The following CACNA1C variants were observed in gnomAD, a reference collection of about 807,000 sequenced individuals.
The protein encoded by CACNA1C is calcium voltage-gated channel subunit alpha1 C.
A neutral mutation model predicts 229.0 loss-of-function variants in CACNA1C; 30 were observed. That is an observed-to-expected ratio of 0.13 (90% CI 0.10 to 0.18). CACNA1C has a LOEUF of 0.18. Ranked by LOEUF, CACNA1C falls within the 10% of genes least tolerant of loss-of-function variation. The probability of loss-of-function intolerance (pLI) is 1.00; values close to 1 mark genes in which losing one functional copy is unlikely to be tolerated. For missense variants in CACNA1C, 1,658 were observed against 2,845.0 expected (o/e 0.58, Z 9.49); for synonymous variants, 1,114 against 1,132.5 (o/e 0.98, Z 0.33).
intron 9 of CACNA1C, among the ~76,000 whole-genome samples, chr12:2,533,132 GTTC>G (rs2099844961): frequency 6.6e-6 from 1 of 152,190 alleles, no homozygotes; most frequent in African/African-American, 2.4e-5. Context: ...GGGAGAGGCT[GTTC>G]AGTGGAATAA....
intron 3 of CACNA1C, among the ~76,000 whole-genome samples, chr12:2,362,616 C>G (rs954991407): frequency 3.3e-5 from 5 of 152,150 alleles, no homozygotes; most frequent in Admixed American, 1.3e-4. Flanking sequence ...AGCAGAGCCC[C>G]GTTCTGATCG....
At chr12:2,363,556 G>C (rs1164361141) in intron 3 of CACNA1C, among the ~76,000 whole-genome samples, 1 of 152,182 alleles carries the variant, frequency 6.6e-6, no homozygotes, top group Non-Finnish European at 1.5e-5. Context: ...GGGGTTCCCA[G>C]TGGGGGAGTG....
rs1350142994 is a variant in CACNA1C at position 2,585,034 on chromosome 12, T to C, written c.2340-342T>C. 6.6e-6 allele frequency among the ~76,000 whole-genome samples: 1 copy of C among 152,174 alleles called. No homozygotes were observed. The highest frequency in any genetic ancestry group is 1.9e-4 in the East Asian group (1 of 5,178). The stretch of plus-strand genomic sequence containing the variant: ...CCCTATGTTGTATCCTATCATTATC[T>C]AGACGGGACAGTTCCAGGCCACACA... On this transcript the variant is annotated intron_variant, in intron 16 of 46. Coordinates refer to ENST00000399655, the MANE Select transcript of CACNA1C (RefSeq NM_000719.7). This position sits in a 1 kb window ranked among gnomAD's most constrained non-coding sequence, Gnocchi z 4.1.
At chr12:2,684,646 C>A (rs999055015) in intron 43 of CACNA1C, among the ~76,000 whole-genome samples, 2 of 152,144 alleles carry the variant, frequency 1.3e-5, no homozygotes, top group Admixed American at 1.3e-4. Flanking sequence ...AGTGGTACAA[C>A]CCCCAGGGGT....
At position 2,218,286 on chromosome 12, in the gene CACNA1C, C is replaced by T. The variant is rs76088104; in HGVS notation, c.477+97856C>T. Among the ~76,000 whole-genome samples, 1,141 of 152,262 alleles carry T rather than the reference C, an allele frequency of 7.5e-3. 12 individuals are homozygous for T. Among genetic ancestry groups the T allele is most frequent in the African/African-American group, 0.026 (1,093 of 41,552 alleles). On this transcript the variant is annotated intron_variant, in intron 3 of 46. Transcript: ENST00000399655. ...CTGCAGGTTAATCATCAACAACATG[C>T]AACAATATCCCAGATATGACCGGCT... is the stretch of plus-strand genomic sequence containing the variant.
At chr12:1,993,457 A>G (rs12813534) in intron 1 of CACNA1C, 228,952 of 1,561,760 alleles carry the variant, frequency 0.15, 18,066 homozygotes, top group Admixed American at 0.22. Context: ...TATTTTCAGT[A>G]TAAGTACATT....
chr12:2,525,744 C>G (rs1261000376), intron 9 of CACNA1C, among the ~76,000 whole-genome samples: 2 of 152,208 alleles, frequency 1.3e-5, no homozygotes, highest in African/African-American at 4.8e-5. Context: ...AGGATTACTT[C>G]ACCAAATGGA....
At chr12:2,543,193 T>G (rs1340843110) in intron 9 of CACNA1C, among the ~76,000 whole-genome samples, 1 of 152,216 alleles carries the variant, frequency 6.6e-6, no homozygotes. Context: ...TATAGCTTTC[T>G]TCCCCAGCAT....
intron 3 of CACNA1C, among the ~76,000 whole-genome samples, chr12:2,440,127 A>G (rs1299897384): frequency 1.3e-5 from 2 of 152,176 alleles, no homozygotes; most frequent in East Asian, 1.9e-4. Flanking sequence ...TTGTGGTAAA[A>G]TATATATAAC....
At chr12:2,398,011 C>A (rs1222053182) in intron 3 of CACNA1C, among the ~76,000 whole-genome samples, 1 of 152,228 alleles carries the variant, frequency 6.6e-6, no homozygotes, top group Non-Finnish European at 1.5e-5. Flanking sequence ...TCCTGAATCT[C>A]CATCACTGGC....
chr12:1,990,445 T>C (rs1213917119), intron 1 of CACNA1C, among the ~76,000 whole-genome samples: 1 of 151,822 alleles, frequency 6.6e-6, no homozygotes, highest in African/African-American at 2.4e-5. Flanking sequence ...TTACTCTATT[T>C]ATCAAGCATC....
intron 1 of CACNA1C, among the ~76,000 whole-genome samples, chr12:2,007,863 T>C (rs1593573642): frequency 6.6e-6 from 1 of 152,316 alleles, no homozygotes; most frequent in South Asian, 2.1e-4. Flanking sequence ...TGAATCCTCA[T>C]TGCATTCTGT....
At chr12:2,600,491 G>A (rs923224646) in intron 21 of CACNA1C, among the ~76,000 whole-genome samples, 6 of 152,214 alleles carry the variant, frequency 3.9e-5, no homozygotes, top group African/African-American at 1.4e-4. Flanking sequence ...GATGACCGGG[G>A]AGCCTTGCTC....
chr12:2,171,751 C>T (rs987752704), intron 3 of CACNA1C, among the ~76,000 whole-genome samples: 28 of 152,240 alleles, frequency 1.8e-4, no homozygotes, highest in Middle Eastern at 3.4e-3. Context: ...CTTTCAAATA[C>T]GGGTAAGTGC....
intron 3 of CACNA1C, among the ~76,000 whole-genome samples, chr12:2,441,643 G>A (rs191000951): frequency 1.3e-5 from 2 of 152,160 alleles, no homozygotes; most frequent in Non-Finnish European, 2.9e-5. Flanking sequence ...GTTAGCTACC[G>A]CTTTGGAAGT....
chr12:2,310,026 A>G (rs1318916600), intron 3 of CACNA1C, among the ~76,000 whole-genome samples: 3 of 152,182 alleles, frequency 2.0e-5, no homozygotes, highest in Non-Finnish European at 4.4e-5. Context: ...GTGGCCTGGA[A>G]GTCTATAAGA....
intron 31 of CACNA1C, among the ~76,000 whole-genome samples, chr12:2,650,859 CCTCCCTTACGCTGCCCCT>C (rs2094886184): frequency 1.3e-5 from 2 of 152,134 alleles, no homozygotes; most frequent in African/African-American, 2.4e-5. Context: ...GGAGGCCTCC[CCTCCCTTACGCTGCCCCT>C]CTCCCTTCCA....
intron 5 of CACNA1C, among the ~76,000 whole-genome samples, chr12:2,463,609 A>T (rs1395756454): frequency 6.6e-6 from 1 of 152,194 alleles, no homozygotes; most frequent in Non-Finnish European, 1.5e-5. Context: ...TGGAGAAGGT[A>T]GCATTTGGGA....
upstream of CACNA1C, among the ~76,000 whole-genome samples, chr12:2,048,823 C>G (rs965487626): frequency 3.3e-5 from 5 of 152,130 alleles, no homozygotes; most frequent in Admixed American, 2.0e-4. Context: ...TGCTTGGCAA[C>G]CTGGCTTTTC....
Sources: allele counts gnomAD v4.1 joint callset (sites outside exome capture counted in the v4.1 genomes callset), GRCh38; gene constraint gnomAD v4.1.1; non-coding constraint Gnocchi (gnomAD v3.1); transcripts MANE v1.5; gene names NCBI Gene and HGNC (gene_info 2026-07-23, HGNC 2026-07-21).